RPN2: variants seen among roughly 807,000 people sequenced by gnomAD.
The protein encoded by RPN2 is ribophorin II.
RPN2 carries 29 observed loss-of-function variants against 71.4 expected under a neutral mutation model. That is an observed-to-expected ratio of 0.41 (90% CI 0.30 to 0.55). RPN2 has a LOEUF of 0.55. Ranked by LOEUF, RPN2 falls within the 20% of genes least tolerant of loss-of-function variation. The probability of loss-of-function intolerance (pLI) is 0.35; values close to 1 mark genes in which losing one functional copy is unlikely to be tolerated. For missense variants in RPN2, 726 were observed against 774.1 expected, an observed-to-expected ratio of 0.94 and a Z score of 0.74; for synonymous variants, 308 against 305.0, an observed-to-expected ratio of 1.01 and a Z score of -0.10.
At chr20:37,213,563 C>G (rs897170240) in intron 8 of RPN2, among the ~76,000 whole-genome samples, 197 bp from the exon 9 acceptor site, 1 of 152,014 alleles carries the variant, frequency 6.6e-6, no homozygotes, top group South Asian at 2.1e-4. Flanking sequence ...ATACTCCAGC[C>G]TGGGTGACAG....
At chr20:37,230,207 C>T in intron 13 of RPN2, 148 bp downstream of exon 13, 1 of 738,172 alleles carries the variant, frequency 1.4e-6, no homozygotes, top group Non-Finnish European at 2.4e-6. Context: ...AATGGCAGCC[C>T]CATCCTTGAA....
chr20:37,180,511 G>T (rs1360111321), intron 1 of RPN2, among the ~76,000 whole-genome samples: 2 of 152,192 alleles, frequency 1.3e-5, no homozygotes, highest in Non-Finnish European at 1.5e-5. Context: ...GGAGTGAGAA[G>T]ATTAGGATTC....
intron 4 of RPN2, among the ~76,000 whole-genome samples, chr20:37,201,262 T>A (rs898857468): frequency 3.3e-5 from 5 of 150,332 alleles, no homozygotes; most frequent in Non-Finnish European, 7.4e-5. Context: ...TTGTTGTTAT[T>A]TGTATGTTAG....
intron 5 of RPN2, among the ~76,000 whole-genome samples, chr20:37,204,410 A>G (rs1244047418): frequency 6.6e-6 from 1 of 152,178 alleles, no homozygotes; most frequent in Non-Finnish European, 1.5e-5. Context: ...ATGGATGGCC[A>G]TGGACTCCAT....
chr20:37,203,810 T>C (rs891812791), intron 4 of RPN2, 75 bp from the exon 5 acceptor site: 5 of 1,003,416 alleles, frequency 5.0e-6, no homozygotes, highest in Admixed American at 1.7e-5. Flanking sequence ...TTTGTGAAAG[T>C]GTCCAAGTAC....
At chr20:37,187,149 C>G (rs2146520695) in intron 2 of RPN2, among the ~76,000 whole-genome samples, 1 of 152,042 alleles carries the variant, frequency 6.6e-6, no homozygotes, top group African/African-American at 2.4e-5. Context: ...TAATTTCTAC[C>G]TTTTGATTGG....
chr20:37,192,710 T>C (rs112415560), intron 2 of RPN2, among the ~76,000 whole-genome samples: 3,255 of 152,302 alleles, frequency 0.021, 53 homozygotes, highest in Middle Eastern at 0.034. Flanking sequence ...CACGAATATT[T>C]GCAACAATGG....
intron 2 of RPN2, among the ~76,000 whole-genome samples, chr20:37,185,599 C>T (rs6031914): frequency 0.41 from 61,799 of 151,982 alleles, 13,669 homozygotes; most frequent in African/African-American, 0.57. Context: ...GACTTATTGG[C>T]TTATATGGCT....
In RPN2 at chr20:37,204,799, C is replaced by T. The variant is rs370536029; in HGVS notation, c.588C>T (p.Gly196=). ...TTGCTCGCCTGGATGAACTCGGGGG[C>T]GTGTATCTCCAGTTTGAAGAAGGAC... is the stretch of plus-strand genomic sequence containing the variant. ...DLVARLDELG[G]VYLQFEEGLE... is the part of the protein sequence containing the mutation. Residue 196 remains glycine, a synonymous_variant, in exon 6 of 17, where the codon GGC becomes GGT. Coordinates refer to ENST00000237530, the MANE Select transcript of RPN2 (RefSeq NM_002951.5). The T allele has an allele frequency of 6.8e-6, 11 of 1,613,930 alleles. No individual in the cohort carries two copies. Among genetic ancestry groups the T allele is most frequent in the East Asian group, 2.2e-5 (1 of 44,890 alleles).
intron 1 of RPN2, among the ~76,000 whole-genome samples, chr20:37,183,889 C>T (rs913100128): frequency 2.0e-5 from 3 of 152,146 alleles, no homozygotes; most frequent in Non-Finnish European, 2.9e-5. Context: ...TGTGAGGATT[C>T]AGGATTGGGT....
chr20:37,236,770 C>T (rs2068407704), intron 16 of RPN2, 61 bp downstream of exon 16: 9 of 1,567,360 alleles, frequency 5.7e-6, no homozygotes, highest in Middle Eastern at 1.8e-4. Context: ...CTCTGCCGGC[C>T]TAGCTCTTTG....
intron 3 of RPN2, 49 bp downstream of exon 3, chr20:37,198,541 A>AT: frequency 6.2e-7 from 1 of 1,613,504 alleles, no homozygotes; most frequent in East Asian, 2.2e-5. Context: ...TTTAAAGTAC[A>AT]TTTTTAAAGG....
At chr20:37,210,298 T>C in intron 8 of RPN2, 133 bp downstream of exon 8, 1 of 1,499,560 alleles carries the variant, frequency 6.7e-7, no homozygotes, top group East Asian at 2.3e-5. Flanking sequence ...TACAGTCGAA[T>C]GTAAGAAAAT....
At chr20:37,183,056 C>G (rs1466722392) in intron 1 of RPN2, among the ~76,000 whole-genome samples, 1 of 152,058 alleles carries the variant, frequency 6.6e-6, no homozygotes, top group Non-Finnish European at 1.5e-5. Flanking sequence ...ATGGAACTTA[C>G]AGTTTAGCAG....
chr20:37,217,682 A>G (rs954440251), intron 9 of RPN2, among the ~76,000 whole-genome samples: 1 of 151,832 alleles, frequency 6.6e-6, no homozygotes, highest in African/African-American at 2.4e-5. Context: ...TCCACATTGC[A>G]GGCCCTTCAG....
At chr20:37,180,952 C>T (rs1600722960) in intron 1 of RPN2, among the ~76,000 whole-genome samples, 2 of 152,062 alleles carry the variant, frequency 1.3e-5, no homozygotes, top group African/African-American at 2.4e-5. Context: ...GGTCTCCAGC[C>T]GGGTGCGGTA....
intron 14 of RPN2, among the ~76,000 whole-genome samples, chr20:37,232,944 G>C (rs1056524844): frequency 3.3e-5 from 5 of 152,184 alleles, no homozygotes; most frequent in Admixed American, 3.3e-4. Context: ...GCTGGGTGTG[G>C]TGGCTCATGC....
At chr20:37,240,763 G>C (rs1336571990) in intron 16 of RPN2, among the ~76,000 whole-genome samples, 1 of 152,178 alleles carries the variant, frequency 6.6e-6, no homozygotes, top group African/African-American at 2.4e-5. Context: ...CCATTTTTGA[G>C]AATCTTTCTG....
intron 9 of RPN2, among the ~76,000 whole-genome samples, chr20:37,220,746 G>C (rs575255237): frequency 1.4e-4 from 21 of 152,224 alleles, no homozygotes; most frequent in South Asian, 8.3e-4. Flanking sequence ...AGAGGGCTTT[G>C]GAAAAAGTTA....
Sources: gnomAD v4.1 joint callset for allele counts (sites outside exome capture counted in the v4.1 genomes callset) on GRCh38, gnomAD v4.1.1 for gene constraint, MANE v1.5 for transcripts, NCBI Gene and HGNC (gene_info 2026-07-23, HGNC 2026-07-21) for gene names.